The following KHDRBS2 variants were observed in gnomAD, a reference collection of about 807,000 sequenced individuals.
KHDRBS2 encodes KH domain-containing, RNA-binding, signal transduction-associated protein 2.
KHDRBS2 carries 26 observed loss-of-function variants against 44.3 expected under a neutral mutation model. The ratio of observed to expected loss-of-function variants is 0.59; its 90% CI spans 0.43 to 0.81. The LOEUF (loss-of-function observed/expected upper bound fraction) is 0.81, where lower values mean the gene tolerates loss of function less well. KHDRBS2 is among the 40% of genes least tolerant of loss of function. The pLI is 0.00. For missense variants in KHDRBS2, 476 were observed against 433.1 expected, an observed-to-expected ratio of 1.10 and a Z score of -0.88; for synonymous variants, 194 against 151.1, an observed-to-expected ratio of 1.28 and a Z score of -2.08.
chr6:61,718,901 C>T (rs1424287013), intron 7 of KHDRBS2, among the ~76,000 whole-genome samples: 1 of 152,100 alleles, frequency 6.6e-6, no homozygotes, highest in Non-Finnish European at 1.5e-5. Context: ...ATTCCCCGCC[C>T]CCACACTGTT....
intron 4 of KHDRBS2, among the ~76,000 whole-genome samples, chr6:61,964,694 A>C (rs1769513976): frequency 6.6e-6 from 1 of 152,126 alleles, no homozygotes; most frequent in Non-Finnish European, 1.5e-5. Flanking sequence ...TATCTAAAAA[A>C]ATAAATTGAG....
chr6:61,797,979 T>C (rs535453730), intron 6 of KHDRBS2, among the ~76,000 whole-genome samples: 3 of 151,976 alleles, frequency 2.0e-5, no homozygotes, highest in South Asian at 2.1e-4. Flanking sequence ...GTAATGAGCA[T>C]AGTACCCAAT....
the KHDRBS2 span, among the ~76,000 whole-genome samples, chr6:61,599,155 C>T: frequency 2.0e-5 from 3 of 152,026 alleles, no homozygotes; most frequent in Middle Eastern, 3.4e-3. Context: ...AGGCTGGTCT[C>T]GAACTCCTGA....
chr6:61,954,850 G>GTGTGTATATATATGTATATATA (rs1562513832), intron 4 of KHDRBS2, among the ~76,000 whole-genome samples: 2 of 43,534 alleles, frequency 4.6e-5, no homozygotes, highest in East Asian at 2.5e-3. Flanking sequence ...GTATACATAT[G>GTGTGTATATATATGTATATATA]CATGTGTATA....
intron 6 of KHDRBS2, among the ~76,000 whole-genome samples, chr6:61,834,126 T>C (rs1792272153): frequency 6.6e-6 from 1 of 152,044 alleles, no homozygotes. Context: ...CTCAGGAGTA[T>C]TTGTTTTACT....
intron 3 of KHDRBS2, among the ~76,000 whole-genome samples, chr6:62,015,479 T>C (rs954589866): frequency 6.6e-6 from 1 of 152,134 alleles, no homozygotes; most frequent in Non-Finnish European, 1.5e-5. Flanking sequence ...CAGTACTATG[T>C]AGTCTATATT....
rs1456533358 is a variant in KHDRBS2, at chr6:61,680,897, G to T, written c.*66C>A. 1 of 960,670 alleles carries T rather than the reference G, an allele frequency of 1.0e-6. No homozygotes were observed. The highest frequency in any genetic ancestry group is 1.6e-6 in the Non-Finnish European group (1 of 609,106). The allele number at this position is 960,670 out of a possible 1,614,324, so 59.5% of individuals were successfully genotyped here. A position where few individuals can be genotyped will look rare whatever the true frequency, so the allele number is the denominator to read the frequency against. ...AAAAAGGACTATTACTTGTCTTGTT[G>T]CTGTTTATGTGGAGACCACAGGCTA... On this transcript the variant is annotated 3_prime_UTR_variant, in exon 9 of 9. Coordinates refer to ENST00000281156, the MANE Select transcript of KHDRBS2 (RefSeq NM_152688.4).
At chr6:61,867,229 A>G (rs1458678503) in intron 6 of KHDRBS2, among the ~76,000 whole-genome samples, 2 of 152,226 alleles carry the variant, frequency 1.3e-5, no homozygotes, top group African/African-American at 2.4e-5. Context: ...AAGGGCAAGG[A>G]GGAACAAGTC....
At chr6:62,280,964 G>A (rs1841712528) in intron 1 of KHDRBS2, among the ~76,000 whole-genome samples, 1 of 152,154 alleles carries the variant, frequency 6.6e-6, no homozygotes, top group African/African-American at 2.4e-5. Context: ...AGGAATAGCA[G>A]AAGAGAGATA....
chr6:62,278,192 G>C (rs1443137356), intron 1 of KHDRBS2, among the ~76,000 whole-genome samples: 4 of 152,128 alleles, frequency 2.6e-5, no homozygotes, highest in Non-Finnish European at 4.4e-5. Context: ...TTCCAATGAA[G>C]ATATATTTCT....
intron 3 of KHDRBS2, among the ~76,000 whole-genome samples, chr6:62,023,182 G>A (rs1239993385): frequency 6.6e-6 from 1 of 151,636 alleles, no homozygotes. Flanking sequence ...CCATATGTAA[G>A]AATGTTCCAT....
intron 7 of KHDRBS2, among the ~76,000 whole-genome samples, chr6:61,729,544 A>G (rs1774104207): frequency 6.6e-6 from 1 of 152,172 alleles, no homozygotes; most frequent in Non-Finnish European, 1.5e-5. Flanking sequence ...TTACAGTTTT[A>G]CATCCCTATC....
At chr6:62,113,386 T>C (rs1354855892) in intron 2 of KHDRBS2, among the ~76,000 whole-genome samples, 1 of 152,136 alleles carries the variant, frequency 6.6e-6, no homozygotes, top group Non-Finnish European at 1.5e-5. Context: ...AAATATATTA[T>C]AAATTCCTGA....
Position 61,680,923 on chromosome 6 carries a change from T to C in KHDRBS2, c.*40A>G. 3 of 1,287,152 alleles carry C rather than the reference T, an allele frequency of 2.3e-6. No individual in the cohort carries two copies. Among genetic ancestry groups the C allele is most frequent in the Non-Finnish European group, 3.4e-6 (3 of 890,566 alleles). The allele number at this position is 1,287,152 out of a possible 1,614,324, so 79.7% of individuals were successfully genotyped here. A position where few individuals can be genotyped will look rare whatever the true frequency, so the allele number is the denominator to read the frequency against. Reference sequence around the variant, plus strand: ...CTGTTTATGTGGAGACCACAGGCTATGAATTGTCTTTGAGGTGAGGTCACA... The same window carrying C: ...CTGTTTATGTGGAGACCACAGGCTACGAATTGTCTTTGAGGTGAGGTCACA... On this transcript the variant is annotated 3_prime_UTR_variant, in exon 9 of 9. Transcript: ENST00000281156.
chr6:61,627,055 CATCCTGGCTAACACGGTGA>C, the KHDRBS2 span, among the ~76,000 whole-genome samples: 58 of 151,668 alleles, frequency 3.8e-4, no homozygotes, highest in African/African-American at 1.2e-3. Flanking sequence ...AGATCGAGAC[CATCCTGGCTAACACGGTGA>C]AACCCCGTCT....
At chr6:61,641,696 ATCTG>A in the KHDRBS2 span, among the ~76,000 whole-genome samples, 1 of 152,030 alleles carries the variant, frequency 6.6e-6, no homozygotes, top group Admixed American at 6.6e-5. Flanking sequence ...AACACAACTG[ATCTG>A]TTTCATCTTT....
chr6:61,911,037 A>G (rs1452316184), intron 4 of KHDRBS2, among the ~76,000 whole-genome samples: 1 of 152,186 alleles, frequency 6.6e-6, no homozygotes, highest in African/African-American at 2.4e-5. Context: ...AGTTCTCAGT[A>G]TGATCTCTTG....
At chr6:62,262,785 C>T (rs1413479208) in intron 1 of KHDRBS2, among the ~76,000 whole-genome samples, 4 of 151,574 alleles carry the variant, frequency 2.6e-5, no homozygotes, top group African/African-American at 7.3e-5. Context: ...ATGTTTAATA[C>T]ATGAAAGTAT....
intron 1 of KHDRBS2, among the ~76,000 whole-genome samples, chr6:62,232,066 A>G (rs998009697): frequency 6.6e-6 from 1 of 152,208 alleles, no homozygotes; most frequent in Admixed American, 6.5e-5. Context: ...AACCTGAGTT[A>G]CACTGTCATT....
Sources: gnomAD v4.1 joint callset for allele counts (sites outside exome capture counted in the v4.1 genomes callset) on GRCh38, gnomAD v4.1.1 for gene constraint, MANE v1.5 for transcripts, NCBI Gene and HGNC (gene_info 2026-07-23, HGNC 2026-07-21) for gene names.